Variants in TAF1 observed in about 807,000 individuals in gnomAD.
The protein encoded by TAF1 is TATA-box binding protein associated factor 1, also known as transcription initiation factor TFIID subunit 1.
TAF1 carries 2 observed loss-of-function variants against 138.5 expected under a neutral mutation model. The observed-to-expected ratio is 0.01, with a 90% confidence interval of 0.01 to 0.05. The LOEUF (loss-of-function observed/expected upper bound fraction) is 0.05. Among genes scored for constraint, TAF1 ranks in the 10% least tolerant of loss-of-function variants. The pLI, the probability that TAF1 is intolerant of heterozygous loss-of-function variation, is 1.00. For missense variants in TAF1, 709 were observed against 1,478.0 expected, an observed-to-expected ratio of 0.48 and a Z score of 8.53; for synonymous variants, 437 against 503.2, an observed-to-expected ratio of 0.87 and a Z score of 1.76.
chrX:71,469,031 G>A (rs1249933464), downstream of TAF1, among the ~76,000 whole-genome samples: 1 of 111,879 alleles, frequency 8.9e-6, no homozygotes, highest in East Asian at 2.8e-4. Context: ...GGCTGGGTGC[G>A]GTGGCTCACG....
intron 28 of TAF1, among the ~76,000 whole-genome samples, chrX:71,418,483 AT>A (rs1485649948): frequency 8.9e-6 from 1 of 112,845 alleles, no homozygotes; most frequent in Non-Finnish European, 1.9e-5. Context: ...GTCATTAAAC[AT>A]TTGTTAAATG....
intron 13 of TAF1, among the ~76,000 whole-genome samples, chrX:71,503,811 A>G (rs911074685): frequency 1.7e-4 from 18 of 107,719 alleles, no homozygotes; most frequent in Admixed American, 6.1e-4. Context: ...CTCCTCCTCC[A>G]CTACCACCAG....
chrX:71,450,051 C>T (rs779041058), intron 32 of TAF1, among the ~76,000 whole-genome samples: 1 of 112,385 alleles, frequency 8.9e-6, no homozygotes, highest in East Asian at 2.8e-4. Context: ...GGATTACAGG[C>T]GTGAGCCACC....
chrX:71,488,465 G>A lies in TAF1; in HGVS notation c.1366+27662G>A, dbSNP rs746912068. On this transcript the variant is annotated intron_variant and NMD_transcript_variant, in intron 13 of 14. Transcript: ENST00000373775. ...TCACCATATTGGCCAGGCTGGTCTC[G>A]AACTCCTGACCTCATGATCCACCCA... Among the ~76,000 whole-genome samples, 14 of 107,662 alleles carry A rather than the reference G, an allele frequency of 1.3e-4. No individual in the cohort carries two copies. In the East Asian group the frequency reaches 3.0e-3, roughly 23 times the overall value. The allele number at this position is 107,662 out of a possible 115,157, so 93.5% of individuals were successfully genotyped here.
rs984222926 is a variant in TAF1, at chrX:71,385,107, A to T, written c.2226+58A>T. On this transcript the variant is annotated intron_variant, in intron 14 of 37. Transcript: ENST00000423759. ...TAAGGAAATTGATAAATGAGGAACC[A>T]GTCAGCTCAGAAAGAACTATTATAA... The T allele has an allele frequency of 1.5e-5, 14 of 903,310 alleles. No homozygotes were observed. The East Asian group carries it at 4.4e-4, about 28-fold the overall frequency. 74.4% of individuals were successfully genotyped at this position (903,310 alleles called of 1,213,427 possible).
At chrX:71,451,161 T>C (rs1271719338) in intron 32 of TAF1, among the ~76,000 whole-genome samples, 4 of 112,667 alleles carry the variant, frequency 3.6e-5, no homozygotes, top group Non-Finnish European at 7.5e-5. Context: ...TATAGCTCAA[T>C]CCATTTTTAC....
intron 13 of TAF1, among the ~76,000 whole-genome samples, chrX:71,514,525 A>C (rs2039793031): frequency 1.9e-5 from 2 of 106,642 alleles, no homozygotes; most frequent in Non-Finnish European, 3.9e-5. Context: ...CAGAAAGGAG[A>C]GGGCGCTGTG....
intron 14 of TAF1, among the ~76,000 whole-genome samples, chrX:71,386,897 T>C (rs753847399): frequency 2.7e-5 from 3 of 113,123 alleles, no homozygotes; most frequent in African/African-American, 9.6e-5. Context: ...TCATATGTAA[T>C]CTTCATAGCA....
At chrX:71,442,117 G>A (rs887498378) in intron 32 of TAF1, among the ~76,000 whole-genome samples, 6 of 111,553 alleles carry the variant, frequency 5.4e-5, no homozygotes, top group African/African-American at 1.6e-4. Flanking sequence ...GAATAGTGCC[G>A]CAATAAACAT....
At chrX:71,494,544 G>T (rs2039360447) in intron 13 of TAF1, among the ~76,000 whole-genome samples, 1 of 112,409 alleles carries the variant, frequency 8.9e-6, no homozygotes, top group African/African-American at 3.2e-5. Context: ...CTTCCAGTGT[G>T]GCCCAGGGAA....
At position 71,483,718 on chromosome X, in the gene TAF1, T is replaced by C. The variant is rs775348419; in HGVS notation, c.1366+22915T>C. Among the ~76,000 whole-genome samples, 6 of 103,076 alleles carry C rather than the reference T, an allele frequency of 5.8e-5. No homozygotes were observed. The Admixed American group carries it at 6.4e-4, about 11-fold the overall frequency. The allele number at this position is 103,076 out of a possible 115,157, so 89.5% of individuals were successfully genotyped here. A position where few individuals can be genotyped will look rare whatever the true frequency, so the allele number is the denominator to read the frequency against. On this transcript the variant is annotated intron_variant and NMD_transcript_variant, in intron 13 of 14. Coordinates refer to the TAF1 transcript ENST00000373775. ...ACTACTGTATTTTCCAACTTGCTTT[T>C]TACACATAATATATTGTGAACATCT...
chrX:71,389,188 A>G (rs1024818730), intron 17 of TAF1, among the ~76,000 whole-genome samples: 4 of 111,774 alleles, frequency 3.6e-5, no homozygotes, highest in African/African-American at 1.3e-4. Context: ...CAGGGAAAGT[A>G]CTTGTCAGCC....
chrX:71,443,910 C>T (rs1323943212), intron 32 of TAF1, among the ~76,000 whole-genome samples: 1 of 111,388 alleles, frequency 9.0e-6, no homozygotes, highest in African/African-American at 3.3e-5. Flanking sequence ...GGGGTTTCAC[C>T]ATGTTGGCCA....
At chrX:71,373,453 C>T (rs969244091) in intron 3 of TAF1, among the ~76,000 whole-genome samples, 2 of 111,439 alleles carry the variant, frequency 1.8e-5, no homozygotes, top group African/African-American at 6.5e-5. Context: ...CAGGTGTGAG[C>T]CACCTCACTG....
At chrX:71,374,791 A>G (rs993434704) in intron 3 of TAF1, among the ~76,000 whole-genome samples, 3 of 110,687 alleles carry the variant, frequency 2.7e-5, no homozygotes, top group Non-Finnish European at 5.7e-5. Flanking sequence ...GGATATGCAT[A>G]GTGTTTCATG....
chrX:71,505,389 C>T (rs2039603477), intron 13 of TAF1, among the ~76,000 whole-genome samples: 1 of 111,082 alleles, frequency 9.0e-6, no homozygotes, highest in Non-Finnish European at 1.9e-5. Context: ...AGTGGAGAAA[C>T]CTCACAAACA....
At position 71,488,239 on chromosome X, in the gene TAF1, CTT is replaced by C. The variant is rs368273639; in HGVS notation, c.1366+27457_1366+27458del. Among the ~76,000 whole-genome samples, 285 of 71,257 alleles carry C rather than the reference CTT, an allele frequency of 4.0e-3. 1 individual carries two copies. The highest frequency in any genetic ancestry group is 0.014 in the African/African-American group (263 of 18,973). 61.9% of individuals were successfully genotyped at this position (71,257 alleles called of 115,157 possible). On this transcript the variant is annotated intron_variant and NMD_transcript_variant, in intron 13 of 14. Coordinates refer to the TAF1 transcript ENST00000373775. ...TTCTTCCCTTAGCTTTAGGTGGTTT[CTT>C]TTTTTTTTTTTTTTTTTTTTGAGAC...
chrX:71,499,035 C>T (rs2039447722), intron 13 of TAF1, among the ~76,000 whole-genome samples: 1 of 111,598 alleles, frequency 9.0e-6, no homozygotes. Context: ...TTGCCCCAGG[C>T]ACCCTCAGTC....
intron 13 of TAF1, among the ~76,000 whole-genome samples, chrX:71,500,687 C>G (rs1004786072): frequency 1.7e-4 from 19 of 110,693 alleles, no homozygotes; most frequent in African/African-American, 5.6e-4. Flanking sequence ...GTGGACCTTA[C>G]CGACGCATTC....
Sources: gnomAD v4.1 joint callset for allele counts (sites outside exome capture counted in the v4.1 genomes callset) on GRCh38, gnomAD v4.1.1 for gene constraint, MANE v1.5 for transcripts, NCBI Gene and HGNC (gene_info 2026-07-23, HGNC 2026-07-21) for gene names.